The following TAFA2 variants were observed in gnomAD, a reference collection of about 807,000 sequenced individuals.
TAFA2 encodes TAFA chemokine like family member 2.
Under a neutral mutation model 18.8 loss-of-function variants are expected in TAFA2, and 7 were observed. The observed-to-expected ratio is 0.37, with a 90% CI of 0.21 to 0.70. The LOEUF (loss-of-function observed/expected upper bound fraction) is 0.70, where lower values mean the gene tolerates loss of function less well. Ranked by LOEUF, TAFA2 falls within the 30% of genes least tolerant of loss-of-function variation. TAFA2 has a pLI of 0.53. For missense variants in TAFA2, 122 were observed against 158.1 expected (o/e 0.77, Z 1.23); for synonymous variants, 60 against 54.2 (o/e 1.11, Z -0.47).
intron 1 of TAFA2, among the ~76,000 whole-genome samples, chr12:62,254,322 A>G (rs578105352): frequency 4.6e-5 from 7 of 152,310 alleles, no homozygotes; most frequent in Middle Eastern, 3.4e-3. Flanking sequence ...TAGTATCACT[A>G]TTTTACAGAT....
Position 62,187,340 on chromosome 12 carries a change from G to A in TAFA2, c.-2+3919C>T, listed in dbSNP as rs145012527. 7.2e-5 allele frequency among the ~76,000 whole-genome samples: 11 copies of A among 152,228 alleles called. No homozygotes were observed. The East Asian group carries it at 7.7e-4, about 11-fold the overall frequency. On this transcript the variant is annotated intron_variant, in intron 1 of 4. Transcript: ENST00000416284. ...ACAGTAAAACTCAGTTATAAATGAC[G>A]TTGTCACACTATGCATACAGTTGTA...
In TAFA2 at chr12:61,895,841, G is replaced by T. The variant is rs1194000567; in HGVS notation, c.-1-28415C>A. ...AAGGCATCCATGCCTAGGTACCCTA[G>T]TAAGAAGTAAAATATAACCAGTAAT... On this transcript the variant is annotated intron_variant, in intron 1 of 4. Coordinates refer to ENST00000416284, the MANE Select transcript of TAFA2 (RefSeq NM_178539.5). 2.0e-5 allele frequency among the ~76,000 whole-genome samples: 3 copies of T among 152,114 alleles called. No individual in the cohort carries two copies. In the East Asian group the frequency reaches 5.8e-4, roughly 29 times the overall value.
At chr12:62,074,783 C>A (rs1481176915) in intron 1 of TAFA2, among the ~76,000 whole-genome samples, 2 of 148,470 alleles carry the variant, frequency 1.3e-5, no homozygotes, top group Non-Finnish European at 3.0e-5. Flanking sequence ...GACACTGCAA[C>A]TTCCATTTCC....
chr12:61,854,919 G>GT (rs1215705090), intron 2 of TAFA2, among the ~76,000 whole-genome samples: 1 of 152,152 alleles, frequency 6.6e-6, no homozygotes, highest in Non-Finnish European at 1.5e-5. Flanking sequence ...ATCATCATAT[G>GT]TAAGAGATGG....
chr12:62,013,191 T>C (rs1162461816), intron 1 of TAFA2, among the ~76,000 whole-genome samples: 2 of 152,192 alleles, frequency 1.3e-5, no homozygotes, highest in African/African-American at 4.8e-5. Context: ...ATAAATGAGA[T>C]AGAATTTTAC....
At chr12:61,817,238 GTAACT>G (rs1443849429) in intron 2 of TAFA2, among the ~76,000 whole-genome samples, 1 of 152,076 alleles carries the variant, frequency 6.6e-6, no homozygotes, top group Non-Finnish European at 1.5e-5. Flanking sequence ...ATCTTCACAA[GTAACT>G]TAACTTCTAT....
At chr12:61,766,885 A>T (rs1869814686) in intron 2 of TAFA2, among the ~76,000 whole-genome samples, 1 of 152,076 alleles carries the variant, frequency 6.6e-6, no homozygotes, top group Non-Finnish European at 1.5e-5. Context: ...CTTTTTTTCT[A>T]ATGGAGAGCC....
chr12:61,725,937 G>A (rs546976225), intron 4 of TAFA2, among the ~76,000 whole-genome samples: 2 of 151,956 alleles, frequency 1.3e-5, no homozygotes, highest in South Asian at 4.2e-4. Flanking sequence ...GGTGAGGGGT[G>A]AGGTATAAAA....
intron 1 of TAFA2, among the ~76,000 whole-genome samples, chr12:61,899,539 T>C (rs1478226037): frequency 6.6e-6 from 1 of 152,134 alleles, no homozygotes; most frequent in African/African-American, 2.4e-5. Context: ...CAAATACTTA[T>C]AAAACCATCA....
At chr12:61,823,514 T>C (rs1311401003) in intron 2 of TAFA2, among the ~76,000 whole-genome samples, 2 of 152,156 alleles carry the variant, frequency 1.3e-5, no homozygotes, top group Non-Finnish European at 2.9e-5. Context: ...CCTTCAATCC[T>C]GGGCAAGTTA....
At chr12:61,951,346 A>T (rs1878460643) in intron 1 of TAFA2, among the ~76,000 whole-genome samples, 1 of 152,170 alleles carries the variant, frequency 6.6e-6, no homozygotes, top group African/African-American at 2.4e-5. Context: ...AATGGTTACA[A>T]TAAAAGAAGC....
chr12:61,792,724 C>T (rs1871033123), intron 2 of TAFA2, among the ~76,000 whole-genome samples: 1 of 151,108 alleles, frequency 6.6e-6, no homozygotes, highest in South Asian at 2.1e-4. Flanking sequence ...AAGTGGTCAG[C>T]TCATGAACAG....
chr12:62,188,386 C>T (rs1027122098), intron 1 of TAFA2, among the ~76,000 whole-genome samples: 2 of 152,170 alleles, frequency 1.3e-5, no homozygotes, highest in Non-Finnish European at 2.9e-5. Flanking sequence ...GAACTGTTTG[C>T]ACTCTGGTTG....
chr12:61,902,693 C>T (rs141668990), intron 1 of TAFA2, among the ~76,000 whole-genome samples: 167 of 152,300 alleles, frequency 1.1e-3, no homozygotes, highest in African/African-American at 4.0e-3. Context: ...AACCTCTTCA[C>T]TGTTCATTCA....
At chr12:62,165,939 T>TCTCTCACACA in intron 1 of TAFA2, among the ~76,000 whole-genome samples, 1 of 139,450 alleles carries the variant, frequency 7.2e-6, no homozygotes, top group South Asian at 2.4e-4. Context: ...TCTCTCTCTC[T>TCTCTCACACA]CACACACACA....
At chr12:62,258,869 T>C (rs577292251), upstream of TAFA2, 1 of 213,704 alleles carries the variant, frequency 4.7e-6, no homozygotes, top group East Asian at 1.7e-4. Flanking sequence ...AATGTGACTT[T>C]TAGAGGGTAG....
At chr12:62,202,285 G>A (rs1427650535) in intron 1 of TAFA2, among the ~76,000 whole-genome samples, 1 of 149,478 alleles carries the variant, frequency 6.7e-6, no homozygotes, top group African/African-American at 2.4e-5. Context: ...TAGCTTTGGG[G>A]TTTGTTTGCC....
At chr12:62,210,185 C>CTAAATAAA (rs56194828) in intron 1 of TAFA2, among the ~76,000 whole-genome samples, 10,108 of 144,302 alleles carry the variant, frequency 0.07, 421 homozygotes, top group Non-Finnish European at 0.081. Context: ...GACTCTGTCT[C>CTAAATAAA]TAAATAAATA....
At chr12:61,785,429 T>G (rs1870696364) in intron 2 of TAFA2, among the ~76,000 whole-genome samples, 1 of 151,340 alleles carries the variant, frequency 6.6e-6, no homozygotes, top group Non-Finnish European at 1.5e-5. Flanking sequence ...TTTCCATATC[T>G]TAATCTGAGG....
Sources: gnomAD v4.1 joint callset for allele counts (sites outside exome capture counted in the v4.1 genomes callset) on GRCh38, gnomAD v4.1.1 for gene constraint, MANE v1.5 for transcripts, NCBI Gene and HGNC (gene_info 2026-07-23, HGNC 2026-07-21) for gene names.